Variants in GRIP1 observed in about 807,000 individuals in gnomAD.
The protein encoded by GRIP1 is glutamate receptor interacting protein 1.
A neutral mutation model predicts 129.9 loss-of-function variants in GRIP1; 45 were observed. The ratio of observed to expected loss-of-function variants is 0.35; its 90% CI spans 0.27 to 0.44. GRIP1 has a LOEUF of 0.44. GRIP1 is among the 20% of genes least tolerant of loss of function. The pLI is 1.00. For synonymous variants in GRIP1, 530 were observed against 520.8 expected, an observed-to-expected ratio of 1.02 and a Z score of -0.24; for missense variants, 1,196 against 1,396.8, an observed-to-expected ratio of 0.86 and a Z score of 2.29.
chr12:66,769,242 T>TA (rs2037741144), intron 1 of GRIP1, among the ~76,000 whole-genome samples: 2 of 151,546 alleles, frequency 1.3e-5, no homozygotes, highest in African/African-American at 2.4e-5. Flanking sequence ...TTTTTTTTTT[T>TA]ACTTTAGCCT....
intron 19 of GRIP1, among the ~76,000 whole-genome samples, chr12:66,380,932 C>T (rs1057162359): frequency 2.2e-4 from 34 of 152,226 alleles, no homozygotes; most frequent in African/African-American, 7.5e-4. Flanking sequence ...GACCTGTACC[C>T]GCATTTTCAG....
intron 1 of GRIP1, among the ~76,000 whole-genome samples, chr12:67,051,452 T>C (rs2043345389): frequency 6.6e-6 from 1 of 152,220 alleles, no homozygotes; most frequent in African/African-American, 2.4e-5. Flanking sequence ...AGATTGATAC[T>C]CTGGCAAAAG....
At chr12:66,786,253 C>T (rs1272322702) in intron 1 of GRIP1, among the ~76,000 whole-genome samples, 3 of 152,140 alleles carry the variant, frequency 2.0e-5, no homozygotes, top group Non-Finnish European at 2.9e-5. Context: ...ATGACAACCA[C>T]ATTTTGCAAA....
At chr12:66,867,411 C>G (rs1339096368) in intron 1 of GRIP1, among the ~76,000 whole-genome samples, 1 of 152,094 alleles carries the variant, frequency 6.6e-6, no homozygotes, top group South Asian at 2.1e-4. Flanking sequence ...TCATTGTTTT[C>G]ACTTTAAATT....
intron 1 of GRIP1, among the ~76,000 whole-genome samples, chr12:66,759,778 TTGCTCCAG>T (rs1299811465): frequency 2.0e-5 from 3 of 152,120 alleles, no homozygotes; most frequent in Non-Finnish European, 1.5e-5. Flanking sequence ...TAAATCACCT[TTGCTCCAG>T]TTCCCAACAA....
intron 7 of GRIP1, among the ~76,000 whole-genome samples, chr12:66,496,775 T>C (rs1033573649): frequency 2.0e-5 from 3 of 152,086 alleles, no homozygotes; most frequent in Admixed American, 2.0e-4. Context: ...CTGATGCTTT[T>C]ATCTGCAGCT....
At chr12:66,790,157 T>A (rs946090355) in intron 1 of GRIP1, among the ~76,000 whole-genome samples, 1 of 152,170 alleles carries the variant, frequency 6.6e-6, no homozygotes, top group African/African-American at 2.4e-5. Flanking sequence ...ATAACTGATT[T>A]CATTTTAGGG....
At chr12:66,728,986 A>G (rs576654332) in intron 1 of GRIP1, among the ~76,000 whole-genome samples, 10 of 152,056 alleles carry the variant, frequency 6.6e-5, no homozygotes, top group African/African-American at 2.4e-4. Flanking sequence ...ACATCCAATC[A>G]CTCAAATAAA....
At chr12:66,777,017 C>A (rs1219517122) in intron 1 of GRIP1, among the ~76,000 whole-genome samples, 1 of 152,222 alleles carries the variant, frequency 6.6e-6, no homozygotes, top group Non-Finnish European at 1.5e-5. Flanking sequence ...CTGATAAAAA[C>A]AGGTCAGAAA....
At chr12:67,007,732 T>A (rs907389783) in intron 1 of GRIP1, among the ~76,000 whole-genome samples, 2 of 152,120 alleles carry the variant, frequency 1.3e-5, no homozygotes, top group East Asian at 3.9e-4. Context: ...AAAATCATGG[T>A]CATGGTGTGA....
chr12:66,721,692 G>C (rs999858479), intron 1 of GRIP1, among the ~76,000 whole-genome samples: 5 of 152,176 alleles, frequency 3.3e-5, no homozygotes, highest in African/African-American at 1.2e-4. Flanking sequence ...CTTCTCTCTA[G>C]CTAGGAAAGT....
In GRIP1 at chr12:66,350,931, A is replaced by C. The variant is rs114301507; in HGVS notation, c.3160-1685T>G. On this transcript the variant is annotated intron_variant, in intron 24 of 24. Transcript: ENST00000359742. ...TTTACCATCACATTCAAGGCCCTTT[A>C]TAATCTGAATGTAGTCTACTTTTAC... Among the ~76,000 whole-genome samples the C allele has an allele frequency of 9.6e-3, 1,459 of 152,334 alleles. 23 individuals are homozygous for C. Among genetic ancestry groups the C allele is most frequent in the African/African-American group, 0.034 (1,412 of 41,568 alleles).
chr12:66,678,103 C>T (rs1269982006), intron 1 of GRIP1, among the ~76,000 whole-genome samples: 1 of 152,096 alleles, frequency 6.6e-6, no homozygotes, highest in Non-Finnish European at 1.5e-5. Flanking sequence ...CATCCATTTA[C>T]TAACTTTGCA....
intron 1 of GRIP1, among the ~76,000 whole-genome samples, chr12:66,881,145 C>T (rs1436916333): frequency 6.6e-6 from 1 of 151,734 alleles, no homozygotes; most frequent in Non-Finnish European, 1.5e-5. Context: ...AACAGAGTTC[C>T]TTTAAAGAAA....
chr12:66,597,058 G>C, intron 1 of GRIP1, 131 bp from the exon 2 acceptor site: 2 of 742,346 alleles, frequency 2.7e-6, no homozygotes, highest in Non-Finnish European at 5.0e-6. Context: ...GTAGGCCTGG[G>C]TCCTATACTT....
At chr12:66,408,515 TCAG>T (rs1565709027) in intron 15 of GRIP1, among the ~76,000 whole-genome samples, 1 of 151,950 alleles carries the variant, frequency 6.6e-6, no homozygotes, top group Non-Finnish European at 1.5e-5. Context: ...AAAAATAAAA[TCAG>T]CAGCAGTAGT....
chr12:66,348,701 A>C lies in GRIP1; in HGVS notation c.*318T>G, dbSNP rs1214489603. On this transcript the variant is annotated 3_prime_UTR_variant, in exon 25 of 25. Transcript: ENST00000359742. ...TTTTCAAACAGATGTTTCTCTTTTTAAAAAGTGATAGTAAGATGAACTTGT... is the reference window on the plus strand; with the variant it reads ...TTTTCAAACAGATGTTTCTCTTTTTCAAAAGTGATAGTAAGATGAACTTGT... 5 of 313,558 alleles carry C rather than the reference A, an allele frequency of 1.6e-5. No individual in the cohort carries two copies. The highest frequency in any genetic ancestry group is 1.8e-5 in the Non-Finnish European group (3 of 168,340). 19.4% of individuals were successfully genotyped at this position (313,558 alleles called of 1,614,324 possible).
chr12:66,948,057 T>C (rs893820637), intron 1 of GRIP1, among the ~76,000 whole-genome samples: 2 of 152,196 alleles, frequency 1.3e-5, no homozygotes, highest in Non-Finnish European at 2.9e-5. Context: ...CACATCAAGA[T>C]ATACAAGCTG....
chr12:66,682,178 G>A (rs2034609966), upstream of GRIP1, among the ~76,000 whole-genome samples: 2 of 152,104 alleles, frequency 1.3e-5, no homozygotes, highest in South Asian at 4.2e-4. Context: ...AATTAACAAA[G>A]TACCTTTAAG....
Sources: gnomAD v4.1 joint callset for allele counts (sites outside exome capture counted in the v4.1 genomes callset) on GRCh38, gnomAD v4.1.1 for gene constraint, MANE v1.5 for transcripts, NCBI Gene and HGNC (gene_info 2026-07-23, HGNC 2026-07-21) for gene names.